The following ADAMTSL1 variants were observed in gnomAD, a reference collection of about 807,000 sequenced individuals.
ADAMTSL1 encodes the protein ADAMTS like 1.
ADAMTSL1 carries 126 observed loss-of-function variants against 201.8 expected under a neutral mutation model. That is an observed-to-expected ratio of 0.62 (90% confidence interval 0.54 to 0.72). ADAMTSL1 has a LOEUF of 0.72. Ranked by LOEUF, ADAMTSL1 falls within the 30% of genes least tolerant of loss-of-function variation. The probability of loss-of-function intolerance (pLI) is 0.00; values close to 1 mark genes in which losing one functional copy is unlikely to be tolerated. For synonymous variants in ADAMTSL1, 1,121 were observed against 903.4 expected, an observed-to-expected ratio of 1.24 and a Z score of -4.32; for missense variants, 2,679 against 2,277.8, an observed-to-expected ratio of 1.18 and a Z score of -3.59.
chr9:18,893,206 T>A (rs1364985713), intron 26 of ADAMTSL1, among the ~76,000 whole-genome samples: 1 of 152,090 alleles, frequency 6.6e-6, no homozygotes, highest in Admixed American at 6.6e-5. Flanking sequence ...TGGAAAAGCC[T>A]GCTTCTCATA....
intron 2 of ADAMTSL1, among the ~76,000 whole-genome samples, chr9:18,349,122 C>T (rs1835850418): frequency 6.6e-6 from 1 of 152,138 alleles, no homozygotes; most frequent in African/African-American, 2.4e-5. Flanking sequence ...GGAGTCAGTG[C>T]TCTTAACCAT....
intron 1 of ADAMTSL1, among the ~76,000 whole-genome samples, chr9:17,936,578 G>T (rs1051119119): frequency 3.3e-5 from 5 of 152,166 alleles, no homozygotes; most frequent in Admixed American, 6.5e-5. Context: ...TGTGGGCAGG[G>T]CTGCCGCTCA....
intron 1 of ADAMTSL1, among the ~76,000 whole-genome samples, chr9:17,952,138 A>C (rs1286832018): frequency 9.5e-5 from 14 of 148,124 alleles, no homozygotes; most frequent in Admixed American, 9.4e-4. Context: ...TTTTTTTGTA[A>C]AGATGGAATC....
At chr9:18,470,943 ACT>A (rs1262094273), upstream of ADAMTSL1, among the ~76,000 whole-genome samples, 3 of 152,170 alleles carry the variant, frequency 2.0e-5, no homozygotes, top group Non-Finnish European at 2.9e-5. Flanking sequence ...CTGCTCACAC[ACT>A]TGCAGACGGT....
intron 4 of ADAMTSL1, among the ~76,000 whole-genome samples, chr9:18,603,477 A>G (rs1242118345): frequency 6.6e-6 from 1 of 152,164 alleles, no homozygotes; most frequent in Non-Finnish European, 1.5e-5. Flanking sequence ...TGCTCAGTAG[A>G]AGAACAGTGA....
chr9:18,802,584 C>G (rs1036715661), intron 20 of ADAMTSL1, among the ~76,000 whole-genome samples: 1 of 152,026 alleles, frequency 6.6e-6, no homozygotes, highest in Non-Finnish European at 1.5e-5. Flanking sequence ...TAGAATAGAC[C>G]ACATTTTATT....
At chr9:18,353,261 T>C (rs1836057255) in intron 2 of ADAMTSL1, among the ~76,000 whole-genome samples, 1 of 152,242 alleles carries the variant, frequency 6.6e-6, no homozygotes, top group Non-Finnish European at 1.5e-5. Flanking sequence ...AAGTGGTTAA[T>C]ACCTTCATAG....
chr9:17,946,950 C>T (rs1051467454), intron 1 of ADAMTSL1, among the ~76,000 whole-genome samples: 1 of 151,896 alleles, frequency 6.6e-6, no homozygotes, highest in Non-Finnish European at 1.5e-5. Context: ...AGATCAATAC[C>T]ATTATAGGAC....
At chr9:18,622,505 T>C (rs775664497) in intron 5 of ADAMTSL1, 136 bp downstream of exon 5, 24 of 1,307,970 alleles carry the variant, frequency 1.8e-5, no homozygotes, top group Non-Finnish European at 2.5e-5. Flanking sequence ...GAAGGCTTCA[T>C]GCTCTGGCAT....
chr9:18,618,095 T>A (rs1825814475), intron 4 of ADAMTSL1, among the ~76,000 whole-genome samples: 1 of 152,176 alleles, frequency 6.6e-6, no homozygotes, highest in Admixed American at 6.5e-5. Context: ...AACATCGGTG[T>A]ACTTGGGAAA....
Position 18,675,924 on chromosome 9 carries a change from T to G in ADAMTSL1, c.1136+17T>G. On this transcript the variant is annotated intron_variant, in intron 10 of 28. Coordinates refer to ENST00000380548, the MANE Select transcript of ADAMTSL1 (RefSeq NM_001040272.6). ...CCTTCCTCGGTACGTAAATCAATCA[T>G]CCTGATGTTAGAATTAGCAAATTAG... 6.2e-7 allele frequency: 1 copy of G among 1,610,866 alleles called. No individual in the cohort carries two copies.
intron 1 of ADAMTSL1, among the ~76,000 whole-genome samples, chr9:18,063,006 T>C (rs1229510087): frequency 6.6e-6 from 1 of 152,142 alleles, no homozygotes; most frequent in East Asian, 1.9e-4. Flanking sequence ...TAATACACAG[T>C]ATTCCTATTC....
chr9:18,133,315 T>A (rs1433539620), intron 1 of ADAMTSL1, among the ~76,000 whole-genome samples: 1 of 152,126 alleles, frequency 6.6e-6, no homozygotes, highest in Non-Finnish European at 1.5e-5. Context: ...TCAGCCAGTT[T>A]TGCTCTGACT....
At chr9:18,391,209 T>C (rs146050378) in intron 2 of ADAMTSL1, among the ~76,000 whole-genome samples, 1 of 152,350 alleles carries the variant, frequency 6.6e-6, no homozygotes, top group African/African-American at 2.4e-5. Context: ...GTCATTTTTA[T>C]ACCTTTTTCC....
At chr9:17,978,052 G>A (rs973263992) in intron 1 of ADAMTSL1, among the ~76,000 whole-genome samples, 1 of 151,972 alleles carries the variant, frequency 6.6e-6, no homozygotes, top group Non-Finnish European at 1.5e-5. Flanking sequence ...AAAATTATAT[G>A]TGAACTTCTA....
chr9:18,341,922 AG>A (rs1433802417), intron 2 of ADAMTSL1, among the ~76,000 whole-genome samples: 4 of 152,192 alleles, frequency 2.6e-5, no homozygotes, highest in African/African-American at 9.6e-5. Flanking sequence ...TTAAGGGTTA[AG>A]GTAAATGTAT....
chr9:18,124,484 G>A (rs2131935939), intron 1 of ADAMTSL1, among the ~76,000 whole-genome samples: 1 of 152,122 alleles, frequency 6.6e-6, no homozygotes, highest in Non-Finnish European at 1.5e-5. Flanking sequence ...TGGATGCTAG[G>A]CCTGCATCAG....
At chr9:18,404,136 A>G (rs1818092538) in intron 2 of ADAMTSL1, among the ~76,000 whole-genome samples, 2 of 152,200 alleles carry the variant, frequency 1.3e-5, no homozygotes, top group Non-Finnish European at 2.9e-5. Flanking sequence ...ATAGAATTCT[A>G]TCTCATCACA....
chr9:18,385,829 T>C (rs914394362), intron 2 of ADAMTSL1, among the ~76,000 whole-genome samples: 2 of 152,188 alleles, frequency 1.3e-5, no homozygotes, highest in African/African-American at 4.8e-5. Flanking sequence ...AGTCCCAAAC[T>C]AGCAACACAT....
Sources: allele counts gnomAD v4.1 joint callset (sites outside exome capture counted in the v4.1 genomes callset), GRCh38; gene constraint gnomAD v4.1.1; transcripts MANE v1.5; gene names NCBI Gene and HGNC (gene_info 2026-07-23, HGNC 2026-07-21).